Variants in NHSL1 observed in about 807,000 individuals in gnomAD.
NHSL1 encodes NHS-like protein 1.
NHSL1 carries 48 observed loss-of-function variants against 95.0 expected under a neutral mutation model. The ratio of observed to expected loss-of-function variants is 0.51; its 90% CI spans 0.40 to 0.64. NHSL1 has a LOEUF of 0.64. Among genes scored for constraint, NHSL1 ranks in the 30% least tolerant of loss-of-function variants. NHSL1 has a pLI of 0.00. For synonymous variants in NHSL1, 783 were observed against 833.9 expected (o/e 0.94, Z 1.05); for missense variants, 1,971 against 2,077.7 (o/e 0.95, Z 1.00).
intron 1 of NHSL1, among the ~76,000 whole-genome samples, chr6:138,519,049 A>C (rs7763528): frequency 0.16 from 24,057 of 151,234 alleles, 2,498 homozygotes; most frequent in African/African-American, 0.29. Flanking sequence ...TAAATAAATA[A>C]ATACATACAT....
At chr6:138,451,167 A>G (rs1051974719) in intron 3 of NHSL1, among the ~76,000 whole-genome samples, 1 of 151,672 alleles carries the variant, frequency 6.6e-6, no homozygotes, top group African/African-American at 2.4e-5. Context: ...TGCATTTCCT[A>G]CTGTTCTTTC....
chr6:138,426,826 A>G (rs934143152), intron 7 of NHSL1, among the ~76,000 whole-genome samples: 1 of 152,170 alleles, frequency 6.6e-6, no homozygotes, highest in Non-Finnish European at 1.5e-5. Context: ...CCTACCATAC[A>G]GGTTTCATGG....
At chr6:138,508,600 G>A (rs1229765216) in intron 1 of NHSL1, among the ~76,000 whole-genome samples, 1 of 152,068 alleles carries the variant, frequency 6.6e-6, no homozygotes, top group African/African-American at 2.4e-5. Flanking sequence ...TTCAGTAAGG[G>A]CCAGTGAGGT....
upstream of NHSL1, among the ~76,000 whole-genome samples, chr6:138,546,945 T>C (rs935822685): frequency 3.9e-5 from 6 of 152,182 alleles, no homozygotes; most frequent in Non-Finnish European, 8.8e-5. Context: ...AAAAGTACCA[T>C]CTGAACCCTA....
chr6:138,603,296 C>T (rs1308683892), intron 1 of NHSL1, among the ~76,000 whole-genome samples: 1 of 152,080 alleles, frequency 6.6e-6, no homozygotes, highest in Non-Finnish European at 1.5e-5. Flanking sequence ...GCGATCCACC[C>T]ATCTCAGTCT....
At chr6:138,470,276 A>T (rs1196082826) in intron 3 of NHSL1, among the ~76,000 whole-genome samples, 4 of 152,134 alleles carry the variant, frequency 2.6e-5, no homozygotes, top group Non-Finnish European at 5.9e-5. Flanking sequence ...ACCCGAGAAC[A>T]AGATTAACCT....
At chr6:138,491,786 A>C (rs1375432847) in intron 2 of NHSL1, among the ~76,000 whole-genome samples, 1 of 152,146 alleles carries the variant, frequency 6.6e-6, no homozygotes, top group East Asian at 1.9e-4. Flanking sequence ...AATGTTTCCG[A>C]TTTGGGTTTT....
At chr6:138,552,072 A>G (rs566236761) in intron 1 of NHSL1, among the ~76,000 whole-genome samples, 88 of 152,120 alleles carry the variant, frequency 5.8e-4, no homozygotes, top group African/African-American at 2.1e-3. Flanking sequence ...CATTCACATC[A>G]CTGTATTTCC....
intron 1 of NHSL1, among the ~76,000 whole-genome samples, chr6:138,590,324 T>A (rs1208511764): frequency 6.6e-6 from 1 of 152,162 alleles, no homozygotes; most frequent in Non-Finnish European, 1.5e-5. Context: ...GTTGCTCTGG[T>A]TATTCCAAAC....
chr6:138,649,155 T>C (rs1176968077), intron 1 of NHSL1, among the ~76,000 whole-genome samples: 1 of 152,106 alleles, frequency 6.6e-6, no homozygotes, highest in Non-Finnish European at 1.5e-5. Context: ...GCAGAATCAG[T>C]GGAAAGACAA....
chr6:138,453,265 T>C (rs908675374), intron 3 of NHSL1, among the ~76,000 whole-genome samples: 1 of 152,178 alleles, frequency 6.6e-6, no homozygotes, highest in Non-Finnish European at 1.5e-5. Flanking sequence ...TGAGCCACCA[T>C]GCCCAGCCTA....
chr6:138,527,585 A>G (rs755979012), intron 1 of NHSL1, among the ~76,000 whole-genome samples: 1 of 152,166 alleles, frequency 6.6e-6, no homozygotes, highest in South Asian at 2.1e-4. Flanking sequence ...AAGCATTTAC[A>G]TATGAACAGT....
intron 2 of NHSL1, 127 bp from the exon 3 acceptor site, chr6:138,473,560 A>T (rs1778884934): frequency 1.8e-6 from 2 of 1,084,910 alleles, no homozygotes; most frequent in African/African-American, 3.2e-5. Context: ...ATAGGATTTT[A>T]AAATAATGAT....
intron 7 of NHSL1, among the ~76,000 whole-genome samples, 194 bp from the exon 8 acceptor site, chr6:138,425,010 A>T (rs188870287): frequency 6.6e-6 from 1 of 152,006 alleles, no homozygotes; most frequent in Non-Finnish European, 1.5e-5. Context: ...TGGGAGGATC[A>T]CTTGAGCTTA....
chr6:138,430,567 T>C lies in NHSL1; in HGVS notation c.3778A>G (p.Thr1260Ala). The C allele has an allele frequency of 6.4e-7, 1 of 1,550,720 alleles. No individual in the cohort carries two copies. Residue 1260 changes from threonine (T) to alanine (A), a missense_variant, in exon 6 of 8, where the codon ACC becomes GCC. By Grantham distance (58) the Thr-to-Ala change is moderately conservative (BLOSUM62 0). Coordinates refer to ENST00000343505, the MANE Select transcript of NHSL1 (RefSeq NM_001144060.2). The surrounding 1 kb of genome is among the most constrained non-coding windows in gnomAD (Gnocchi z 4.7). ...GCAGCTCCTCCCTCAAGAACCGAGG[T>C]GCCAGGGTGCGTGGCATGAGAGCCA... Reference protein sequence around the residue: ...QAGSHATHPGTSVLEGGAAGS... With the variant: ...QAGSHATHPGASVLEGGAAGS...
chr6:138,499,161 A>G, intron 1 of NHSL1, 72 bp downstream of exon 1: 6 of 920,042 alleles, frequency 6.5e-6, no homozygotes, highest in South Asian at 1.5e-5. Flanking sequence ...ACACACACAG[A>G]CACACAGGGA....
chr6:138,626,767 G>A lies in NHSL1; in HGVS notation c.96+65709C>T, dbSNP rs1054271234. On this transcript the variant is annotated intron_variant, in intron 1 of 3. Coordinates refer to the NHSL1 transcript ENST00000491526. Reference sequence around the variant, plus strand: ...AAATTAGCCGGGCGTAGTGGCGGGCGCCTGTCGTCCCAGCTACTTGGGAGG... The same window carrying A: ...AAATTAGCCGGGCGTAGTGGCGGGCACCTGTCGTCCCAGCTACTTGGGAGG... Among the ~76,000 whole-genome samples the A allele has an allele frequency of 8.8e-5, 10 of 113,560 alleles. 1 individual carries two copies. Among genetic ancestry groups the A allele is most frequent in the Admixed American group, 1.7e-4 (2 of 11,602 alleles). The allele number at this position is 113,560 out of a possible 152,430, so 74.5% of individuals were successfully genotyped here.
intron 1 of NHSL1, among the ~76,000 whole-genome samples, chr6:138,541,107 C>T (rs531517598): frequency 3.6e-4 from 55 of 152,308 alleles, no homozygotes; most frequent in African/African-American, 1.3e-3. Flanking sequence ...GTGGCTCACG[C>T]CTGTGATCCC....
intron 1 of NHSL1, among the ~76,000 whole-genome samples, chr6:138,680,159 T>A (rs1183608954): frequency 1.3e-5 from 2 of 152,232 alleles, no homozygotes; most frequent in South Asian, 4.1e-4. Context: ...TCAATGATTA[T>A]GTGTCTGAGT....
Sources: gnomAD v4.1 joint callset for allele counts (sites outside exome capture counted in the v4.1 genomes callset) on GRCh38, gnomAD v4.1.1 for gene constraint, Gnocchi (gnomAD v3.1) non-coding constraint, MANE v1.5 for transcripts, NCBI Gene and HGNC (gene_info 2026-07-23, HGNC 2026-07-21) for gene names.